The following ACTR3C variants were observed in gnomAD, a reference collection of about 807,000 sequenced individuals.
ACTR3C encodes actin related protein 3C, also known as actin-related protein 3C.
A neutral mutation model predicts 26.3 loss-of-function variants in ACTR3C; 18 were observed. That is an observed-to-expected ratio of 0.68 (90% confidence interval 0.47 to 1.01). ACTR3C has a LOEUF of 1.01. Among genes scored for constraint, ACTR3C ranks in the 50% least tolerant of loss-of-function variants. ACTR3C has a pLI of 0.00. For synonymous variants in ACTR3C, 55 were observed against 94.5 expected, an observed-to-expected ratio of 0.58 and a Z score of 2.42; for missense variants, 184 against 250.7, an observed-to-expected ratio of 0.73 and a Z score of 1.80.
At chr7:149,883,252 C>T in the ACTR3C span, among the ~76,000 whole-genome samples, 2 of 152,112 alleles carry the variant, frequency 1.3e-5, no homozygotes, top group Non-Finnish European at 2.9e-5. Flanking sequence ...TAGGGTTGGT[C>T]CAGTCTCTTG....
At chr7:150,046,817 C>T in the ACTR3C span, among the ~76,000 whole-genome samples, 1 of 143,676 alleles carries the variant, frequency 7.0e-6, no homozygotes. Context: ...GTTACTAGGG[C>T]GATGTGCAAA....
downstream of ACTR3C, among the ~76,000 whole-genome samples, chr7:150,243,641 A>T (rs549142528): frequency 9.2e-5 from 14 of 152,328 alleles, no homozygotes; most frequent in South Asian, 2.9e-3. Flanking sequence ...GTGGTGTAGT[A>T]TTCATGTATA....
downstream of ACTR3C, among the ~76,000 whole-genome samples, chr7:150,239,721 A>T (rs996197480): frequency 1.7e-4 from 26 of 149,838 alleles, no homozygotes; most frequent in African/African-American, 6.5e-4. Context: ...TCATTAGTAG[A>T]ACCTTATGAA....
chr7:150,134,639 G>A, the ACTR3C span, among the ~76,000 whole-genome samples: 5 of 152,408 alleles, frequency 3.3e-5, no homozygotes, highest in Admixed American at 2.6e-4. Context: ...CAACAACTGA[G>A]AAGCTTTTCG....
the ACTR3C span, among the ~76,000 whole-genome samples, chr7:150,206,019 A>G: frequency 8.7e-4 from 132 of 152,280 alleles, no homozygotes; most frequent in African/African-American, 2.8e-3. Flanking sequence ...CAGAACACTG[A>G]GAGTTGGAAA....
the ACTR3C span, among the ~76,000 whole-genome samples, chr7:150,236,434 A>G: frequency 1.3e-5 from 2 of 152,202 alleles, no homozygotes; most frequent in Middle Eastern, 3.2e-3. Flanking sequence ...CCTGAACCCA[A>G]TAATATCATG....
At chr7:150,134,525 C>CAAACAGGAACACGTGCA in the ACTR3C span, among the ~76,000 whole-genome samples, 7 of 131,758 alleles carry the variant, frequency 5.3e-5, no homozygotes, top group Admixed American at 5.5e-4. Context: ...GAACACGTGC[C>CAAACAGGAACACGTGCA]CAAACACACA....
chr7:150,092,986 T>C, the ACTR3C span, among the ~76,000 whole-genome samples: 1 of 151,572 alleles, frequency 6.6e-6, no homozygotes, highest in Non-Finnish European at 1.5e-5. Flanking sequence ...TTGGTGAAGC[T>C]ATTGAGATGT....
At chr7:149,886,221 G>A in the ACTR3C span, among the ~76,000 whole-genome samples, 22 of 152,296 alleles carry the variant, frequency 1.4e-4, no homozygotes, top group African/African-American at 3.4e-4. Context: ...TGCACTTTGC[G>A]GAAGAGAAGG....
At chr7:150,308,811 T>C (rs1001358714) in intron 1 of ACTR3C, among the ~76,000 whole-genome samples, 1 of 152,164 alleles carries the variant, frequency 6.6e-6, no homozygotes, top group Non-Finnish European at 1.5e-5. Context: ...CAGTTTCCTC[T>C]TAGAGAGGTG....
At chr7:150,025,888 C>G in the ACTR3C span, among the ~76,000 whole-genome samples, 1 of 151,734 alleles carries the variant, frequency 6.6e-6, no homozygotes, top group Admixed American at 6.6e-5. Context: ...ACATGTGAAC[C>G]AGGGCAGTGG....
At chr7:150,208,072 G>A in the ACTR3C span, among the ~76,000 whole-genome samples, 684 of 152,306 alleles carry the variant, frequency 4.5e-3, 6 homozygotes, top group African/African-American at 0.015. Context: ...GGATATCAAA[G>A]AAAGCGAAGG....
chr7:150,041,892 G>C, the ACTR3C span, among the ~76,000 whole-genome samples: 2 of 135,536 alleles, frequency 1.5e-5, no homozygotes, highest in Non-Finnish European at 3.2e-5. Context: ...CCCCTCCTGC[G>C]ATGGGGGTCC....
chr7:150,000,475 G>A, the ACTR3C span, among the ~76,000 whole-genome samples: 2 of 87,370 alleles, frequency 2.3e-5, no homozygotes, highest in Admixed American at 1.5e-4. Flanking sequence ...TTTCTTATCT[G>A]TATAAAGGGG....
the ACTR3C span, among the ~76,000 whole-genome samples, chr7:150,175,638 A>G: frequency 6.7e-6 from 1 of 148,680 alleles, no homozygotes; most frequent in Non-Finnish European, 1.5e-5. Flanking sequence ...ACATGGTGAA[A>G]CCGGGTCTCT....
At chr7:150,129,512 C>A in the ACTR3C span, among the ~76,000 whole-genome samples, 1 of 152,060 alleles carries the variant, frequency 6.6e-6, no homozygotes, top group Non-Finnish European at 1.5e-5. Context: ...GGAAAAACTA[C>A]AAAATCAATA....
At chr7:150,111,001 A>G in the ACTR3C span, among the ~76,000 whole-genome samples, 1 of 151,062 alleles carries the variant, frequency 6.6e-6, no homozygotes, top group Admixed American at 6.6e-5. Context: ...TGCTGTCCCT[A>G]TCCTGGCCTA....
At chr7:150,017,930 C>T in the ACTR3C span, among the ~76,000 whole-genome samples, 1 of 150,194 alleles carries the variant, frequency 6.7e-6, no homozygotes, top group African/African-American at 2.5e-5. Flanking sequence ...CCACAGGTTC[C>T]AAAGGCTGAT....
At chr7:150,044,649 A>G in the ACTR3C span, 2 of 152,128 alleles carry the variant, frequency 1.3e-5, no homozygotes, top group Non-Finnish European at 2.9e-5. Context: ...CATAAATTTT[A>G]TTTGGGGTGT....
Sources: gnomAD v4.1 joint callset for allele counts (sites outside exome capture counted in the v4.1 genomes callset) on GRCh38, gnomAD v4.1.1 for gene constraint, MANE v1.5 for transcripts, NCBI Gene and HGNC (gene_info 2026-07-23, HGNC 2026-07-21) for gene names.